The following TENM4 variants were observed in gnomAD, a reference collection of about 807,000 sequenced individuals.
TENM4 encodes teneurin-4.
In TENM4, 82 loss-of-function variants were observed where a neutral mutation model predicts 243.3. The observed-to-expected ratio is 0.34, with a 90% CI of 0.28 to 0.40. The LOEUF (loss-of-function observed/expected upper bound fraction) is 0.40. TENM4 is among the 10% of genes least tolerant of loss of function. The pLI is 1.00. For synonymous variants in TENM4, 1,412 were observed against 1,456.3 expected (o/e 0.97, Z 0.69); for missense variants, 3,138 against 3,673.3 (o/e 0.85, Z 3.77).
rs563428925 is a variant in TENM4 at position 79,271,678 on chromosome 11, A to G, written c.-265+25810T>C. ...CTTCCACTCTTCAACCACAACACTG[A>G]ACTTGCCAGAGTGGTCCTGGCACGG... is the stretch of plus-strand genomic sequence containing the variant. On this transcript the variant is annotated intron_variant, in intron 2 of 33. Coordinates refer to ENST00000278550, the MANE Select transcript of TENM4 (RefSeq NM_001098816.3). 1.5e-4 allele frequency among the ~76,000 whole-genome samples: 23 copies of G among 152,286 alleles called. No homozygotes were observed. The South Asian group carries it at 4.6e-3, about 30-fold the overall frequency.
chr11:78,918,483 CA>C (rs1486924141), intron 6 of TENM4, among the ~76,000 whole-genome samples: 4 of 150,886 alleles, frequency 2.7e-5, no homozygotes, highest in Non-Finnish European at 5.9e-5. Flanking sequence ...GAGAGAAATC[CA>C]ATCAGCCCAG....
intron 4 of TENM4, among the ~76,000 whole-genome samples, chr11:79,082,838 G>C (rs899864190): frequency 3.3e-5 from 5 of 152,160 alleles, no homozygotes; most frequent in African/African-American, 2.4e-5. Flanking sequence ...GGCCCATAAT[G>C]ATAGGAAAAC....
chr11:79,055,085 C>T (rs1417288343), intron 6 of TENM4, among the ~76,000 whole-genome samples: 2 of 150,838 alleles, frequency 1.3e-5, no homozygotes, highest in Non-Finnish European at 3.0e-5. Flanking sequence ...CAAGATCGCG[C>T]CACTGCACTC....
chr11:78,822,993 T>C (rs1287927412), intron 12 of TENM4, among the ~76,000 whole-genome samples: 1 of 152,162 alleles, frequency 6.6e-6, no homozygotes, highest in Non-Finnish European at 1.5e-5. Context: ...GCCCCGAGGT[T>C]AGCCTCCTTC....
chr11:79,092,121 G>T (rs1302658812), intron 4 of TENM4, among the ~76,000 whole-genome samples: 1 of 152,156 alleles, frequency 6.6e-6, no homozygotes, highest in Non-Finnish European at 1.5e-5. Flanking sequence ...GAGGCAAGGG[G>T]CAGGCCTTTT....
intron 6 of TENM4, among the ~76,000 whole-genome samples, chr11:79,002,193 A>G (rs900154429): frequency 1.3e-5 from 2 of 152,122 alleles, no homozygotes; most frequent in Non-Finnish European, 2.9e-5. Context: ...CCTTCTGTAA[A>G]CGTGTGCACA....
chr11:78,787,771 C>G (rs1485009410), intron 15 of TENM4, among the ~76,000 whole-genome samples: 1 of 152,176 alleles, frequency 6.6e-6, no homozygotes, highest in Non-Finnish European at 1.5e-5. Context: ...AGATCCAAAG[C>G]AAATGGTTTG....
chr11:78,831,689 C>T (rs563630159), intron 12 of TENM4, among the ~76,000 whole-genome samples: 2 of 152,354 alleles, frequency 1.3e-5, no homozygotes, highest in East Asian at 1.9e-4. Flanking sequence ...CTGCAAAGGG[C>T]GTCAGCTGAC....
rs1368349913 is a variant in TENM4 at position 78,805,509 on chromosome 11, G to A, written c.1979-17C>T. On this transcript the variant is annotated splice_polypyrimidine_tract_variant and intron_variant, in intron 14 of 33. Coordinates refer to ENST00000278550, the MANE Select transcript of TENM4 (RefSeq NM_001098816.3). ...TGCAGTCCACTGTGAGATGGAGGAA[G>A]GAGAACATAGGTAAGCATCTGACCA... 5 of 1,559,844 alleles carry A rather than the reference G, an allele frequency of 3.2e-6. No homozygotes were observed. The highest frequency in any genetic ancestry group is 3.8e-5 in the Admixed American group (2 of 52,354).
chr11:79,116,684 C>A (rs904917395), intron 4 of TENM4, among the ~76,000 whole-genome samples: 1 of 152,188 alleles, frequency 6.6e-6, no homozygotes, highest in African/African-American at 2.4e-5. Flanking sequence ...GAAAATGAAT[C>A]ATCAACCCTG....
chr11:78,866,717 T>C (rs1438146808), intron 9 of TENM4, among the ~76,000 whole-genome samples: 2 of 152,180 alleles, frequency 1.3e-5, no homozygotes, highest in East Asian at 1.9e-4. Context: ...CTGTGGAAGA[T>C]GCACTCCTGA....
intron 4 of TENM4, among the ~76,000 whole-genome samples, chr11:79,078,355 G>C (rs1307980059): frequency 1.3e-5 from 2 of 151,492 alleles, no homozygotes; most frequent in African/African-American, 2.4e-5. Context: ...GGTAGCATCT[G>C]TGTGTGTGTG....
At chr11:79,147,139 C>A (rs758225082) in intron 4 of TENM4, among the ~76,000 whole-genome samples, 5 of 152,098 alleles carry the variant, frequency 3.3e-5, no homozygotes, top group African/African-American at 7.2e-5. Flanking sequence ...TTCTGATTTG[C>A]AAAGTATTGA....
intron 18 of TENM4, 115 bp from the exon 19 acceptor site, chr11:78,757,136 A>G (rs77597916): frequency 0.011 from 12,929 of 1,149,046 alleles, 271 homozygotes; most frequent in African/African-American, 0.082. Context: ...ACTTTATTAA[A>G]TGCTGATATA....
At chr11:78,912,594 T>G (rs919134331) in intron 6 of TENM4, among the ~76,000 whole-genome samples, 1 of 151,918 alleles carries the variant, frequency 6.6e-6, no homozygotes, top group South Asian at 2.1e-4. Context: ...GTCATAAGAG[T>G]GAACCAGAAC....
intron 17 of TENM4, among the ~76,000 whole-genome samples, chr11:78,777,638 T>C (rs1429243549): frequency 6.6e-6 from 1 of 152,190 alleles, no homozygotes; most frequent in Non-Finnish European, 1.5e-5. Context: ...TGGGTCCTGT[T>C]AGCAAGAGAA....
At position 79,064,915 on chromosome 11, in the gene TENM4, C is replaced by T. The variant is rs544941834; in HGVS notation, c.316G>A (p.Gly106Ser). Residue 106 changes from glycine (G) to serine (S), a missense_variant, in exon 6 of 34, where the codon GGC becomes AGC. This residue lies in a region of TENM4 where 671 missense variants were observed against 614.1 expected (regional missense o/e 1.09). Transcript: ENST00000278550. Reference protein sequence around the residue: ...YRTDIGLPHCGYSMGAGSDAD... With the variant: ...YRTDIGLPHCSYSMGAGSDAD... ...TCAGAGCCAGCCCCCATGGAGTAGC[C>T]GCAGTGGGGGAGGCCAATGTCTGTC... 6.5e-5 allele frequency: 101 copies of T among 1,543,028 alleles called. 3 individuals carry two copies. In the South Asian group the frequency reaches 9.6e-4, roughly 15 times the overall value.
Position 78,688,095 on chromosome 11 carries a change from G to A in TENM4, c.5219C>T (p.Thr1740Ile). ...GAAGGCGCCTGAGGCAGACAGGTTG[G>A]TGGTTATGGTGACATCATCCTTGCT... is the stretch of plus-strand genomic sequence containing the variant. ...TSSKDDVTIT[T>I]NLSASGAFYT... is the part of the protein sequence containing the mutation. Residue 1740 changes from threonine (T) to isoleucine (I), a missense_variant, in exon 29 of 34, where the codon ACC becomes ATC. By Grantham distance (89) the Thr-to-Ile change is moderately conservative. Around this residue, in one of 2 missense-constraint regions of TENM4, gnomAD observed 2,467 missense variants for 3,059.1 expected, o/e 0.81. Transcript: ENST00000278550. The A allele has an allele frequency of 6.2e-7, 1 of 1,613,888 alleles. No individual in the cohort carries two copies.
At chr11:78,836,709 T>G (rs1858125012) in intron 12 of TENM4, among the ~76,000 whole-genome samples, 1 of 152,188 alleles carries the variant, frequency 6.6e-6, no homozygotes, top group Non-Finnish European at 1.5e-5. Context: ...TTCTCTGTAT[T>G]TTCTAACACT....
Sources: allele counts gnomAD v4.1 joint callset (sites outside exome capture counted in the v4.1 genomes callset), GRCh38; gene constraint gnomAD v4.1.1; regional missense constraint gnomAD v4.1.1; transcripts MANE v1.5; gene names NCBI Gene and HGNC (gene_info 2026-07-23, HGNC 2026-07-21).